Variants in PID1 observed in about 807,000 individuals in gnomAD.
PID1 encodes phosphotyrosine interaction domain containing 1, also known as PTB-containing, cubilin and LRP1-interacting protein.
A neutral mutation model predicts 19.1 loss-of-function variants in PID1; 10 were observed. The ratio of observed to expected loss-of-function variants is 0.52; its 90% CI spans 0.32 to 0.89. The LOEUF is 0.89. PID1 is among the 40% of genes least tolerant of loss of function. The pLI is 0.03. For synonymous variants in PID1, 130 were observed against 116.0 expected, an observed-to-expected ratio of 1.12 and a Z score of -0.78; for missense variants, 248 against 285.3, an observed-to-expected ratio of 0.87 and a Z score of 0.94.
intron 1 of PID1, among the ~76,000 whole-genome samples, chr2:229,252,957 C>A (rs1673292810): frequency 6.6e-6 from 1 of 152,142 alleles, no homozygotes; most frequent in African/African-American, 2.4e-5. Context: ...ATCCAGAGGG[C>A]TTTGTTTTGA....
intron 2 of PID1, among the ~76,000 whole-genome samples, chr2:229,088,252 T>C (rs912908321): frequency 1.3e-5 from 2 of 152,154 alleles, no homozygotes; most frequent in Non-Finnish European, 2.9e-5. Flanking sequence ...GGGTTTCGGT[T>C]TTGCCCTTAC....
chr2:229,099,227 A>G (rs886970875), intron 2 of PID1, among the ~76,000 whole-genome samples: 2 of 152,244 alleles, frequency 1.3e-5, no homozygotes, highest in African/African-American at 2.4e-5. Context: ...TGTTTCAAAC[A>G]GTAGAAAAAT....
chr2:229,208,244 C>T (rs1691651017), intron 1 of PID1, among the ~76,000 whole-genome samples: 1 of 152,192 alleles, frequency 6.6e-6, no homozygotes, highest in Non-Finnish European at 1.5e-5. Flanking sequence ...TACCTGGAAA[C>T]TCAGTGCATA....
Position 229,025,218 on chromosome 2 carries a change from C to A in PID1, c.*414G>T. 1 of 176,138 alleles carries A rather than the reference C, an allele frequency of 5.7e-6. No individual in the cohort carries two copies. The highest frequency in any genetic ancestry group is 5.5e-5 in the Admixed American group (1 of 18,124). 10.9% of individuals were successfully genotyped at this position (176,138 alleles called of 1,614,324 possible). Reference sequence around the variant, plus strand: ...CCAGCGTCCCCATCAGCACCCTGCCCACCCCACTAGAGATCCCATAGGTGC... The same window carrying A: ...CCAGCGTCCCCATCAGCACCCTGCCAACCCCACTAGAGATCCCATAGGTGC... On this transcript the variant is annotated 3_prime_UTR_variant, in exon 3 of 3. Coordinates refer to ENST00000392055, the MANE Select transcript of PID1 (RefSeq NM_001100818.2).
intron 1 of PID1, among the ~76,000 whole-genome samples, chr2:229,229,916 A>G (rs1233089769): frequency 6.6e-6 from 1 of 152,222 alleles, no homozygotes. Flanking sequence ...TTTAGAGCAG[A>G]TGTTTTATTC....
intron 2 of PID1, among the ~76,000 whole-genome samples, chr2:229,138,783 C>A (rs980250327): frequency 6.6e-6 from 1 of 151,278 alleles, no homozygotes; most frequent in Non-Finnish European, 1.5e-5. Context: ...TTGTTTGGGG[C>A]TAGACAAGTT....
intron 1 of PID1, among the ~76,000 whole-genome samples, chr2:229,219,512 C>T (rs571827464): frequency 9.9e-5 from 15 of 152,234 alleles, no homozygotes; most frequent in South Asian, 4.2e-4. Context: ...ATTATGGGAA[C>T]GACAGTTCAA....
chr2:229,132,885 T>C (rs1028780390), intron 2 of PID1, among the ~76,000 whole-genome samples: 1 of 152,212 alleles, frequency 6.6e-6, no homozygotes, highest in African/African-American at 2.4e-5. Flanking sequence ...ATTCTAAATA[T>C]GCTTTCATAA....
At chr2:229,137,615 C>T (rs2106174923) in intron 2 of PID1, among the ~76,000 whole-genome samples, 1 of 152,202 alleles carries the variant, frequency 6.6e-6, no homozygotes, top group Admixed American at 6.5e-5. Flanking sequence ...TAAAGTAAAT[C>T]AATCTCTAGG....
At chr2:229,089,168 A>G (rs1339840939) in intron 2 of PID1, among the ~76,000 whole-genome samples, 1 of 152,216 alleles carries the variant, frequency 6.6e-6, no homozygotes, top group Non-Finnish European at 1.5e-5. Flanking sequence ...TTAACACACT[A>G]GCAGAAGCAA....
chr2:229,256,112 T>G (rs1690288242), intron 1 of PID1, among the ~76,000 whole-genome samples: 1 of 152,110 alleles, frequency 6.6e-6, no homozygotes. Flanking sequence ...ACTACATTGG[T>G]GTCCCCAATT....
chr2:229,082,199 G>A (rs1457457129), intron 2 of PID1, among the ~76,000 whole-genome samples: 1 of 152,206 alleles, frequency 6.6e-6, no homozygotes, highest in Admixed American at 6.5e-5. Flanking sequence ...GGAAGAGGAC[G>A]AGGCTCCAAC....
rs574645432 is a variant in PID1, at chr2:229,038,304, T to C, written c.178-12196A>G. 6.6e-5 allele frequency among the ~76,000 whole-genome samples: 10 copies of C among 152,294 alleles called. No homozygotes were observed. The East Asian group carries it at 1.9e-3, about 29-fold the overall frequency. On this transcript the variant is annotated intron_variant, in intron 2 of 2. Transcript: ENST00000392055. ...GTCCAGATGTCTTTCATCAGATAAATGGTTAAGTAAACTGCGGTACATCCA... is the reference window on the plus strand; with the variant it reads ...GTCCAGATGTCTTTCATCAGATAAACGGTTAAGTAAACTGCGGTACATCCA...
At chr2:229,119,022 G>T (rs1695466070) in intron 2 of PID1, among the ~76,000 whole-genome samples, 1 of 152,174 alleles carries the variant, frequency 6.6e-6, no homozygotes, top group East Asian at 1.9e-4. Context: ...CACATAATTT[G>T]TTGTCTGTAC....
intron 1 of PID1, among the ~76,000 whole-genome samples, chr2:229,217,888 T>C (rs1691882199): frequency 1.3e-5 from 2 of 152,116 alleles, no homozygotes; most frequent in Non-Finnish European, 1.5e-5. Flanking sequence ...CCCAAACCAG[T>C]CAATTTCTAA....
intron 2 of PID1, among the ~76,000 whole-genome samples, chr2:229,036,035 C>A (rs1305011781): frequency 6.6e-6 from 1 of 152,188 alleles, no homozygotes; most frequent in East Asian, 1.9e-4. Context: ...AAACCATTCC[C>A]ACTTCAAAGA....
chr2:229,199,992 A>G (rs963130128), intron 1 of PID1, among the ~76,000 whole-genome samples: 5 of 151,974 alleles, frequency 3.3e-5, no homozygotes, highest in African/African-American at 1.2e-4. Context: ...TTTCACATCA[A>G]GACTTTCAGT....
intron 1 of PID1, among the ~76,000 whole-genome samples, chr2:229,164,282 A>T (rs781340102): frequency 3.9e-5 from 6 of 152,200 alleles, no homozygotes; most frequent in Non-Finnish European, 5.9e-5. Flanking sequence ...AGGAGCACAG[A>T]ACAAAAATTT....
intron 2 of PID1, among the ~76,000 whole-genome samples, chr2:229,090,859 T>C (rs1016251775): frequency 6.6e-6 from 1 of 152,218 alleles, no homozygotes; most frequent in African/African-American, 2.4e-5. Context: ...CAAAAAGCTC[T>C]AACCTTTTAT....
Sources: allele counts gnomAD v4.1 joint callset (sites outside exome capture counted in the v4.1 genomes callset), GRCh38; gene constraint gnomAD v4.1.1; transcripts MANE v1.5; gene names NCBI Gene and HGNC (gene_info 2026-07-23, HGNC 2026-07-21).